MAN2B2: variants seen among roughly 807,000 people sequenced by gnomAD.
MAN2B2 encodes mannosidase alpha class 2B member 2.
MAN2B2 carries 106 observed loss-of-function variants against 117.1 expected under a neutral mutation model. The observed-to-expected ratio is 0.90, with a 90% CI of 0.77 to 1.06. The LOEUF (loss-of-function observed/expected upper bound fraction) is 1.06, where lower values mean the gene tolerates loss of function less well. Ranked by LOEUF, MAN2B2 falls within the 50% of genes least tolerant of loss-of-function variation. The pLI, the probability that MAN2B2 is intolerant of heterozygous loss-of-function variation, is 0.00. For missense variants in MAN2B2, 1,326 were observed against 1,381.4 expected (o/e 0.96, Z 0.64); for synonymous variants, 544 against 595.1 (o/e 0.91, Z 1.25).
rs1727002410 is a variant in MAN2B2, at chr4:6,594,670, T to C, written c.995T>C (p.Leu332Pro). 1 of 1,613,318 alleles carries C rather than the reference T, an allele frequency of 6.2e-7. No individual in the cohort carries two copies. The highest frequency in any genetic ancestry group is 1.7e-5 in the Admixed American group (1 of 59,994). ...ACGCTGGGCGACTACTTCCGTGCCC[T>C]GCACGCTCTCAATGTCACCTGGCGT... ...YATLGDYFRA[L>P]HALNVTWRVR... The change falls in exon 7 of 19, where the codon CTG becomes CCG. Residue 332 changes from leucine (L) to proline (P), a missense_variant. By Grantham distance (98) the Leu-to-Pro change is moderately conservative (BLOSUM62 -3). Coordinates refer to ENST00000285599, the MANE Select transcript of MAN2B2 (RefSeq NM_015274.3).
intron 3 of MAN2B2, among the ~76,000 whole-genome samples, 182 bp from the exon 4 acceptor site, chr4:6,586,814 T>G (rs1298774421): frequency 1.3e-5 from 2 of 152,230 alleles, no homozygotes; most frequent in African/African-American, 4.8e-5. Flanking sequence ...ATGTTATATG[T>G]ACTTCACCAT....
intron 18 of MAN2B2, chr4:6,620,606 G>A (rs375428292): frequency 2.1e-4 from 34 of 163,772 alleles, no homozygotes; most frequent in East Asian, 1.1e-3. Flanking sequence ...TGTGCAGCTC[G>A]TTGTCCACTA....
intron 8 of MAN2B2, 67 bp from the exon 9 acceptor site, chr4:6,598,131 G>A (rs1255958747): frequency 6.5e-7 from 1 of 1,540,440 alleles, no homozygotes; most frequent in Non-Finnish European, 8.9e-7. Flanking sequence ...CCTAGTAGGT[G>A]CCTTGTAGGT....
Position 6,598,299 on chromosome 4 carries a change from G to A in MAN2B2, c.1350G>A (p.Met450Ile). ...ASGMLGMRKL[M>I]ASIVLDELQP... is the part of the protein sequence containing the mutation. ...GGATGCTGGGCATGCGCAAGCTGAT[G>A]GCCTCCATCGTCCTAGATGAGCTCC... Residue 450 changes from methionine (M) to isoleucine (I), a missense_variant, in exon 9 of 19, where the codon ATG becomes ATA. Met to Ile is a conservative substitution (Grantham distance 10, BLOSUM62 1). Coordinates refer to ENST00000285599, the MANE Select transcript of MAN2B2 (RefSeq NM_015274.3). 1 of 1,613,588 alleles carries A rather than the reference G, an allele frequency of 6.2e-7. No homozygotes were observed. Among genetic ancestry groups the A allele is most frequent in the South Asian group, 1.1e-5 (1 of 91,088 alleles).
chr4:6,599,777 T>C lies in MAN2B2; in HGVS notation c.1406-846T>C, dbSNP rs1327071985. 3.9e-5 allele frequency among the ~76,000 whole-genome samples: 6 copies of C among 152,110 alleles called. No homozygotes were observed. The East Asian group carries it at 1.2e-3, about 29-fold the overall frequency. On this transcript the variant is annotated intron_variant, in intron 9 of 18. Transcript: ENST00000285599. Reference sequence around the variant, plus strand: ...CTGCCCACTGCCCTAGCATCTAACATGCCCTTCCCCTCCCATCTCTGTCTG... The same window carrying C: ...CTGCCCACTGCCCTAGCATCTAACACGCCCTTCCCCTCCCATCTCTGTCTG...
At chr4:6,598,594 T>G (rs1014546380) in intron 9 of MAN2B2, among the ~76,000 whole-genome samples, 1 of 152,232 alleles carries the variant, frequency 6.6e-6, no homozygotes, top group Non-Finnish European at 1.5e-5. Context: ...GCTAACATGT[T>G]TTGAGCATTT....
intron 2 of MAN2B2, 59 bp from the exon 3 acceptor site, chr4:6,578,334 G>C: frequency 7.5e-7 from 1 of 1,325,470 alleles, no homozygotes; most frequent in South Asian, 1.2e-5. Context: ...GTTCCCCACA[G>C]ACCCAGCCAT....
rs1560640707 is a variant in MAN2B2 at position 6,587,163 on chromosome 4, G to T, written c.559G>T (p.Ala187Ser). 1 of 1,612,444 alleles carries T rather than the reference G, an allele frequency of 6.2e-7. No homozygotes were observed. The highest frequency in any genetic ancestry group is 1.1e-5 in the South Asian group (1 of 90,974). ...CGACCTGAAGGCAGCCATGCAGGAG[G>T]CCCGGGTGAGTGGTGTGCCGCGTCT... ...DYDLKAAMQE[A>S]RGLQFVWRGS... The change falls in exon 4 of 19, where the codon GCC becomes TCC. Residue 187 changes from alanine to serine, a missense_variant. Coordinates refer to ENST00000285599, the MANE Select transcript of MAN2B2 (RefSeq NM_015274.3).
intron 2 of MAN2B2, among the ~76,000 whole-genome samples, chr4:6,577,758 G>A (rs936607055): frequency 6.6e-6 from 1 of 152,256 alleles, no homozygotes. Context: ...TCAAAGAGAA[G>A]CATGGCCTGC....
intron 3 of MAN2B2, among the ~76,000 whole-genome samples, chr4:6,580,566 C>A (rs1055705574): frequency 6.6e-6 from 1 of 152,162 alleles, no homozygotes; most frequent in South Asian, 2.1e-4. Flanking sequence ...ACGCAGTGCT[C>A]CCCCTCATTC....
chr4:6,614,476 G>A (rs780267608), intron 16 of MAN2B2, 121 bp downstream of exon 16: 5 of 1,223,170 alleles, frequency 4.1e-6, no homozygotes, highest in Non-Finnish European at 5.7e-6. Context: ...AGGTCACCTG[G>A]TTTCTTATCT....
At chr4:6,586,111 G>A (rs1170163821) in intron 3 of MAN2B2, among the ~76,000 whole-genome samples, 1 of 151,434 alleles carries the variant, frequency 6.6e-6, no homozygotes, top group African/African-American at 2.4e-5. Context: ...TGCAGTGGCA[G>A]GATCATGGCT....
At chr4:6,619,109 G>A (rs919049148) in intron 17 of MAN2B2, 1 of 152,302 alleles carries the variant, frequency 6.6e-6, no homozygotes, top group African/African-American at 2.4e-5. Context: ...ACGGTGGTGG[G>A]GTGGAAAGAC....
Position 6,605,155 on chromosome 4 carries a change from G to C in MAN2B2, c.1640G>C (p.Gly547Ala). 6.2e-7 allele frequency: 1 copy of C among 1,614,194 alleles called. No homozygotes were observed. Among genetic ancestry groups the C allele is most frequent in the Non-Finnish European group, 8.5e-7 (1 of 1,180,026 alleles). Residue 547 changes from glycine (G) to alanine (A), a missense_variant, in exon 11 of 19, where the codon GGG (glycine) becomes GCG (alanine). Gly to Ala is a moderately conservative substitution (Grantham distance 60). Coordinates refer to ENST00000285599, the MANE Select transcript of MAN2B2 (RefSeq NM_015274.3). ...CACTACAACATCAGACCCACTGCAG[G>C]GGCCCAAGAGGGCACCCAGGAGCCG... ...YRHYNIRPTA[G>A]AQEGTQEPAA...
chr4:6,616,573 T>C (rs572687763), intron 16 of MAN2B2, among the ~76,000 whole-genome samples: 5 of 152,296 alleles, frequency 3.3e-5, no homozygotes, highest in Admixed American at 1.3e-4. Flanking sequence ...TCACTCACCA[T>C]GGCAAGAAAA....
intron 3 of MAN2B2, among the ~76,000 whole-genome samples, chr4:6,581,780 G>A (rs895486619): frequency 3.3e-5 from 5 of 151,428 alleles, no homozygotes; most frequent in Admixed American, 6.6e-5. Flanking sequence ...CTGGCTGCCC[G>A]CCAGGGCCTG....
rs781292301 is a variant in MAN2B2 at position 6,594,260 on chromosome 4, TG to T, written c.859-272del. 2.0e-5 allele frequency among the ~76,000 whole-genome samples: 3 copies of T among 151,996 alleles called. No individual in the cohort carries two copies. In the East Asian group the frequency reaches 5.8e-4, roughly 29 times the overall value. ...GAGTTCGGGACCAGCCTGGCCAACA[TG>T]GTAAAACCCTGTCTCTACTAAAAAT... On this transcript the variant is annotated intron_variant, in intron 6 of 18. Coordinates refer to ENST00000285599, the MANE Select transcript of MAN2B2 (RefSeq NM_015274.3).
intron 10 of MAN2B2, 114 bp downstream of exon 10, chr4:6,600,870 A>C (rs777805787): frequency 9.9e-6 from 13 of 1,316,182 alleles, no homozygotes; most frequent in Non-Finnish European, 1.2e-5. Context: ...TTTGTTTTAC[A>C]GAAGAGGAAA....
intron 10 of MAN2B2, 64 bp from the exon 11 acceptor site, chr4:6,604,991 A>G: frequency 6.5e-7 from 1 of 1,545,790 alleles, no homozygotes; most frequent in Non-Finnish European, 8.8e-7. Context: ...GCAAGTAGTG[A>G]GCACCCCATT....
Sources: gnomAD v4.1 joint callset for allele counts (sites outside exome capture counted in the v4.1 genomes callset) on GRCh38, gnomAD v4.1.1 for gene constraint, MANE v1.5 for transcripts, NCBI Gene and HGNC (gene_info 2026-07-23, HGNC 2026-07-21) for gene names.